FSHR: variants seen among roughly 807,000 people sequenced by gnomAD.
FSHR encodes follicle stimulating hormone receptor.
FSHR carries 46 observed loss-of-function variants against 52.1 expected under a neutral mutation model. The observed-to-expected ratio is 0.88, with a 90% CI of 0.70 to 1.13. The LOEUF is 1.13. FSHR is among the 50% of genes most tolerant of loss of function. The probability of loss-of-function intolerance (pLI) is 0.00; values close to 1 mark genes in which losing one functional copy is unlikely to be tolerated. For missense variants in FSHR, 964 were observed against 834.6 expected (o/e 1.16, Z -1.91); for synonymous variants, 399 against 309.6 (o/e 1.29, Z -3.03).
intron 4 of FSHR, among the ~76,000 whole-genome samples, chr2:49,003,918 G>T (rs1458577025): frequency 6.6e-6 from 1 of 152,094 alleles, no homozygotes; most frequent in Non-Finnish European, 1.5e-5. Flanking sequence ...AGCTCTCAAT[G>T]TGTGGCCTGT....
At chr2:48,978,377 C>A (rs1398560429) in intron 8 of FSHR, among the ~76,000 whole-genome samples, 1 of 152,212 alleles carries the variant, frequency 6.6e-6, no homozygotes, top group Non-Finnish European at 1.5e-5. Flanking sequence ...TGATCCCAGG[C>A]TGGATAAAAA....
chr2:49,039,388 C>G (rs918620214), intron 2 of FSHR, among the ~76,000 whole-genome samples: 1 of 152,188 alleles, frequency 6.6e-6, no homozygotes, highest in Non-Finnish European at 1.5e-5. Context: ...CACAGAGTCC[C>G]TTTCAGAGAA....
chr2:48,993,069 T>C (rs1169051616), intron 4 of FSHR, among the ~76,000 whole-genome samples: 3 of 152,164 alleles, frequency 2.0e-5, no homozygotes, highest in Non-Finnish European at 4.4e-5. Context: ...GTTACTCCTT[T>C]TTAGCATTCT....
intron 4 of FSHR, among the ~76,000 whole-genome samples, chr2:49,014,288 A>C (rs995162404): frequency 3.3e-5 from 5 of 152,146 alleles, no homozygotes; most frequent in Admixed American, 1.3e-4. Context: ...TGAGAACAAT[A>C]ATCTTCTCTC....
chr2:49,017,682 TCATCCATC>T (rs891302351), intron 3 of FSHR, 119 bp from the exon 4 acceptor site: 2 of 756,384 alleles, frequency 2.6e-6, no homozygotes, highest in African/African-American at 1.7e-5. Flanking sequence ...ACCCATCTAT[TCATCCATC>T]CATCCATCCA....
Position 48,962,637 on chromosome 2 carries a change from G to A in FSHR, c.*96C>T. 2 of 1,245,822 alleles carry A rather than the reference G, an allele frequency of 1.6e-6. No homozygotes were observed. Among genetic ancestry groups the A allele is most frequent in the Non-Finnish European group, 2.3e-6 (2 of 856,624 alleles). 77.2% of individuals were successfully genotyped at this position (1,245,822 alleles called of 1,614,324 possible). On this transcript the variant is annotated 3_prime_UTR_variant, in exon 10 of 10. Coordinates refer to ENST00000406846, the MANE Select transcript of FSHR (RefSeq NM_000145.4). ...GTATGCCAGGAATATTAAATTAGATGAAATGTGTAGAAGCACTGTCAGCTC... is the reference window on the plus strand; with the variant it reads ...GTATGCCAGGAATATTAAATTAGATAAAATGTGTAGAAGCACTGTCAGCTC...
chr2:48,989,369 A>G (rs564324845), intron 5 of FSHR, among the ~76,000 whole-genome samples: 4 of 148,774 alleles, frequency 2.7e-5, no homozygotes, highest in African/African-American at 1.0e-4. Context: ...TGTAGCCTCA[A>G]CCTCCCAGGC....
chr2:49,109,445 A>G (rs1671348589), intron 1 of FSHR, among the ~76,000 whole-genome samples: 1 of 152,176 alleles, frequency 6.6e-6, no homozygotes, highest in Non-Finnish European at 1.5e-5. Flanking sequence ...CATACAGATA[A>G]TTCTGACTAC....
At chr2:48,980,489 T>C (rs368524379) in intron 8 of FSHR, among the ~76,000 whole-genome samples, 56 of 152,322 alleles carry the variant, frequency 3.7e-4, no homozygotes, top group African/African-American at 1.3e-3. Flanking sequence ...AACATTCTTA[T>C]GAGATACATT....
At chr2:49,030,293 TG>T (rs1668055516) in intron 2 of FSHR, among the ~76,000 whole-genome samples, 1 of 112,926 alleles carries the variant, frequency 8.9e-6, no homozygotes, top group Non-Finnish European at 2.0e-5. Context: ...TGTGTGTGTG[TG>T]TGTGTGTGTG....
chr2:49,050,522 A>G (rs1668816782), intron 2 of FSHR, among the ~76,000 whole-genome samples: 1 of 152,194 alleles, frequency 6.6e-6, no homozygotes, highest in South Asian at 2.1e-4. Context: ...CTTAGCAGGA[A>G]CATGTGGGAA....
intron 8 of FSHR, among the ~76,000 whole-genome samples, chr2:48,982,184 C>G (rs535620822): frequency 6.6e-6 from 1 of 151,990 alleles, no homozygotes; most frequent in Non-Finnish European, 1.5e-5. Flanking sequence ...TCACTGATGG[C>G]GAGGTTGTCA....
intron 2 of FSHR, among the ~76,000 whole-genome samples, chr2:49,028,179 C>A (rs375017323): frequency 1.2e-4 from 18 of 152,294 alleles, no homozygotes; most frequent in African/African-American, 4.1e-4. Flanking sequence ...AGGTTTGAGA[C>A]ACTTGTAAGT....
At chr2:49,123,818 A>T (rs1671903307) in intron 1 of FSHR, among the ~76,000 whole-genome samples, 1 of 152,100 alleles carries the variant, frequency 6.6e-6, no homozygotes, top group Non-Finnish European at 1.5e-5. Flanking sequence ...TTGACAATCA[A>T]ATGAGTAGTT....
chr2:49,148,672 G>A (rs1672956071), intron 1 of FSHR, among the ~76,000 whole-genome samples: 1 of 152,018 alleles, frequency 6.6e-6, no homozygotes. Context: ...AGACGGAGTG[G>A]TAAGGGAAGA....
At chr2:49,116,381 G>A (rs980404979) in intron 1 of FSHR, among the ~76,000 whole-genome samples, 4 of 152,160 alleles carry the variant, frequency 2.6e-5, no homozygotes, top group African/African-American at 9.7e-5. Flanking sequence ...AGAGGCAAGG[G>A]GGTAAGGTGG....
chr2:49,071,979 A>C (rs1269155984), intron 1 of FSHR, among the ~76,000 whole-genome samples: 3 of 152,162 alleles, frequency 2.0e-5, no homozygotes, highest in African/African-American at 7.2e-5. Context: ...GGATATTTCA[A>C]TATGAGATTT....
intron 8 of FSHR, among the ~76,000 whole-genome samples, chr2:48,981,280 C>T (rs921746377): frequency 8.5e-5 from 13 of 152,140 alleles, no homozygotes; most frequent in Admixed American, 5.9e-4. Flanking sequence ...CCTCTCTATT[C>T]CCACCCCCAA....
chr2:49,067,694 G>A (rs568775261), intron 2 of FSHR, among the ~76,000 whole-genome samples: 1 of 152,174 alleles, frequency 6.6e-6, no homozygotes, highest in Non-Finnish European at 1.5e-5. Flanking sequence ...CTGAATGTTT[G>A]CAGTAACAAA....
Sources: gnomAD v4.1 joint callset for allele counts (sites outside exome capture counted in the v4.1 genomes callset) on GRCh38, gnomAD v4.1.1 for gene constraint, MANE v1.5 for transcripts, NCBI Gene and HGNC (gene_info 2026-07-23, HGNC 2026-07-21) for gene names.